The following HIBCH variants were observed in gnomAD, a reference collection of about 807,000 sequenced individuals.
HIBCH encodes 3-hydroxyisobutyryl-CoA hydrolase, also known as 3-hydroxyisobutyryl-CoA hydrolase, mitochondrial.
In HIBCH, 50 loss-of-function variants were observed where a neutral mutation model predicts 58.2. That is an observed-to-expected ratio of 0.86 (90% CI 0.68 to 1.09). The LOEUF (loss-of-function observed/expected upper bound fraction) is 1.09, where lower values mean the gene tolerates loss of function less well. HIBCH is among the 50% of genes least tolerant of loss of function. HIBCH has a pLI of 0.00. For synonymous variants in HIBCH, 151 were observed against 146.9 expected (o/e 1.03, Z -0.20); for missense variants, 450 against 449.7 (o/e 1.00, Z -0.01).
intron 4 of HIBCH, among the ~76,000 whole-genome samples, chr2:190,291,500 A>G (rs1337490574): frequency 6.6e-6 from 1 of 152,236 alleles, no homozygotes; most frequent in East Asian, 1.9e-4. Context: ...CAAAGCCTCA[A>G]AGTCAAGAAA....
intron 11 of HIBCH, among the ~76,000 whole-genome samples, chr2:190,218,481 A>G (rs1438019528): frequency 6.6e-5 from 10 of 152,014 alleles, no homozygotes. Flanking sequence ...CAAATCACCA[A>G]TTCCACCCCC....
At chr2:190,282,517 G>A (rs748112135) in intron 6 of HIBCH, among the ~76,000 whole-genome samples, 6 of 152,162 alleles carry the variant, frequency 3.9e-5, no homozygotes, top group Non-Finnish European at 8.8e-5. Context: ...ACCCAGTCTT[G>A]CAAGAAAGAT....
chr2:190,319,644 C>A, intron 1 of HIBCH, 72 bp downstream of exon 1: 2 of 1,327,686 alleles, frequency 1.5e-6, no homozygotes, highest in South Asian at 1.2e-5. Context: ...GCAGTCTCCA[C>A]CCCCGGCCCT....
intron 4 of HIBCH, among the ~76,000 whole-genome samples, chr2:190,292,180 C>T (rs1294647773): frequency 6.6e-6 from 1 of 151,928 alleles, no homozygotes; most frequent in Non-Finnish European, 1.5e-5. Flanking sequence ...AGGGGTTTCA[C>T]TATATTGGCC....
In HIBCH at chr2:190,267,113, T is replaced by C. The variant is rs192658662; in HGVS notation, c.439-5879A>G. On this transcript the variant is annotated intron_variant, in intron 6 of 13. Transcript: ENST00000359678. Reference sequence around the variant, plus strand: ...ATTTTTTATTTTAGAAGACCAATTCTGTCCACAGTGTATGAATGTTCTAGG... The same window carrying C: ...ATTTTTTATTTTAGAAGACCAATTCCGTCCACAGTGTATGAATGTTCTAGG... 6.5e-3 allele frequency among the ~76,000 whole-genome samples: 991 copies of C among 152,266 alleles called. 9 individuals are homozygous for C. Among genetic ancestry groups the C allele is most frequent in the African/African-American group, 0.023 (942 of 41,560 alleles).
In HIBCH at chr2:190,236,123, G is replaced by A. The variant is rs1026789691; in HGVS notation, c.891+8764C>T. Among the ~76,000 whole-genome samples the A allele has an allele frequency of 2.6e-5, 4 of 152,176 alleles. No individual in the cohort carries two copies. The highest frequency in any genetic ancestry group is 9.7e-5 in the African/African-American group (4 of 41,448). On this transcript the variant is annotated intron_variant, in intron 11 of 13. Coordinates refer to ENST00000359678, the MANE Select transcript of HIBCH (RefSeq NM_014362.4). The surrounding 1 kb of genome is among the most constrained non-coding windows in gnomAD (Gnocchi z 4.1). ...GTAACAGAATGGAGACAAGCAGACA[G>A]AGGTGCACACACCTTCATGGAGTAA...
At chr2:190,223,794 GA>G (rs1009789157) in intron 11 of HIBCH, among the ~76,000 whole-genome samples, 4 of 152,324 alleles carry the variant, frequency 2.6e-5, no homozygotes, top group African/African-American at 9.6e-5. Flanking sequence ...AGAGAACACA[GA>G]AGATGGCCGA....
intron 6 of HIBCH, among the ~76,000 whole-genome samples, chr2:190,262,614 T>G (rs1430058167): frequency 6.6e-6 from 1 of 152,180 alleles, no homozygotes; most frequent in Non-Finnish European, 1.5e-5. Flanking sequence ...TCTTCATTCC[T>G]TTACAAAGGA....
chr2:190,233,728 A>G (rs139598877), intron 11 of HIBCH, among the ~76,000 whole-genome samples: 1 of 152,262 alleles, frequency 6.6e-6, no homozygotes, highest in African/African-American at 2.4e-5. Context: ...CAGGAACTTC[A>G]TAAGAAAGAC....
In HIBCH at chr2:190,236,757, G is replaced by A. The variant is rs368772584; in HGVS notation, c.891+8130C>T. On this transcript the variant is annotated intron_variant, in intron 11 of 13. Transcript: ENST00000359678. The surrounding 1 kb of genome is among the most constrained non-coding windows in gnomAD (Gnocchi z 4.1). The stretch of plus-strand genomic sequence containing the variant: ...TGCAACCTGATCTTAAGACTTTTCT[G>A]GTAATTTCTTAAAGGCATTAACAAT... 7.9e-5 allele frequency among the ~76,000 whole-genome samples: 12 copies of A among 152,060 alleles called. No individual in the cohort carries two copies. Among genetic ancestry groups the A allele is most frequent in the African/African-American group, 2.4e-4 (10 of 41,402 alleles).
chr2:190,213,129 T>TAGAC, intron 11 of HIBCH, 54 bp from the exon 12 acceptor site: 4 of 1,320,852 alleles, frequency 3.0e-6, no homozygotes, highest in Middle Eastern at 1.8e-4. Context: ...TTATTGTCTA[T>TAGAC]AATAAATGGG....
At chr2:190,308,806 C>T (rs1015455616) in intron 2 of HIBCH, among the ~76,000 whole-genome samples, 2 of 152,214 alleles carry the variant, frequency 1.3e-5, no homozygotes, top group African/African-American at 4.8e-5. Context: ...GTATCCCCAT[C>T]TCCACTTAGG....
At chr2:190,253,230 CAAGT>C (rs1261553286) in intron 7 of HIBCH, among the ~76,000 whole-genome samples, 2 of 151,940 alleles carry the variant, frequency 1.3e-5, no homozygotes, top group African/African-American at 4.8e-5. Flanking sequence ...AGCATACATA[CAAGT>C]AATTACCAGC....
At position 190,296,958 on chromosome 2, in the gene HIBCH, A is replaced by G; in HGVS notation, c.79-5T>C. Reference sequence around the variant, plus strand: ...ATCTGTGTGCTTGGACATTCTCTGTATAAACAAAGAATAACTTTATGACAA... The same window carrying G: ...ATCTGTGTGCTTGGACATTCTCTGTGTAAACAAAGAATAACTTTATGACAA... On this transcript the variant is annotated splice_polypyrimidine_tract_variant and splice_region_variant and intron_variant, in intron 2 of 13. Coordinates refer to ENST00000359678, the MANE Select transcript of HIBCH (RefSeq NM_014362.4). 1 of 1,613,880 alleles carries G rather than the reference A, an allele frequency of 6.2e-7. No homozygotes were observed. Among genetic ancestry groups the G allele is most frequent in the Non-Finnish European group, 8.5e-7 (1 of 1,179,810 alleles).
At chr2:190,246,272 TCATA>T in intron 9 of HIBCH, 60 bp from the exon 10 acceptor site, 3 of 922,388 alleles carry the variant, frequency 3.3e-6, no homozygotes, top group East Asian at 2.6e-5. Context: ...CCTTAAAAAT[TCATA>T]TTTAATGATA....
chr2:190,243,716 C>T lies in HIBCH; in HGVS notation c.891+1171G>A, dbSNP rs751621333. Among the ~76,000 whole-genome samples the T allele has an allele frequency of 6.6e-5, 10 of 152,112 alleles. No homozygotes were observed. The highest frequency in any genetic ancestry group is 1.3e-4 in the Non-Finnish European group (9 of 68,022). ...GGTGTGGTGGCTCACACCTGTAATC[C>T]CAGCACTTTGGGAAGCTGAGGTGGG... On this transcript the variant is annotated intron_variant, in intron 11 of 13. Coordinates refer to ENST00000359678, the MANE Select transcript of HIBCH (RefSeq NM_014362.4). This position sits in a 1 kb window ranked among gnomAD's most constrained non-coding sequence, Gnocchi z 4.1.
Position 190,229,547 on chromosome 2 carries a change from G to A in HIBCH, c.891+15340C>T, listed in dbSNP as rs116506099. Among the ~76,000 whole-genome samples, 857 of 152,286 alleles carry A rather than the reference G, an allele frequency of 5.6e-3. 1 individual carries two copies. The highest frequency in any genetic ancestry group is 8.2e-3 in the Non-Finnish European group (558 of 68,010). On this transcript the variant is annotated intron_variant, in intron 11 of 13. Transcript: ENST00000359678. ...CTAAAAATACCATCAAGAAAAAAGT[G>A]TAAGCAAGCCACAGATGGCAACCAA... is the stretch of plus-strand genomic sequence containing the variant.
intron 11 of HIBCH, among the ~76,000 whole-genome samples, chr2:190,226,961 C>A (rs1290202447): frequency 6.6e-6 from 1 of 152,192 alleles, no homozygotes. Flanking sequence ...ATTCCATGCT[C>A]ATGGATGGGA....
intron 11 of HIBCH, among the ~76,000 whole-genome samples, chr2:190,235,730 G>A (rs1281190584): frequency 1.3e-5 from 2 of 152,054 alleles, no homozygotes; most frequent in Admixed American, 1.3e-4. Context: ...ATACCCTTTG[G>A]CACCTGGCAA....
Sources: allele counts gnomAD v4.1 joint callset (sites outside exome capture counted in the v4.1 genomes callset), GRCh38; gene constraint gnomAD v4.1.1; non-coding constraint Gnocchi (gnomAD v3.1); transcripts MANE v1.5; gene names NCBI Gene and HGNC (gene_info 2026-07-23, HGNC 2026-07-21).